Variants in ADAMTS17 observed in about 807,000 individuals in gnomAD.
ADAMTS17 encodes ADAM metallopeptidase with thrombospondin type 1 motif 17.
ADAMTS17 carries 113 observed loss-of-function variants against 141.5 expected under a neutral mutation model. The ratio of observed to expected loss-of-function variants is 0.80; its 90% confidence interval spans 0.69 to 0.93. ADAMTS17 has a LOEUF of 0.93. Among genes scored for constraint, ADAMTS17 ranks in the 40% least tolerant of loss-of-function variants. The pLI is 0.00. For synonymous variants in ADAMTS17, 768 were observed against 630.6 expected (o/e 1.22, Z -3.27); for missense variants, 1,659 against 1,517.9 (o/e 1.09, Z -1.54).
chr15:100,190,276 A>C (rs1489772958), intron 8 of ADAMTS17, among the ~76,000 whole-genome samples: 1 of 152,240 alleles, frequency 6.6e-6, no homozygotes, highest in Non-Finnish European at 1.5e-5. Context: ...AACAAAGTGC[A>C]TGATTCCGTG....
intron 14 of ADAMTS17, among the ~76,000 whole-genome samples, chr15:100,105,083 G>T (rs1051592398): frequency 1.3e-5 from 2 of 152,220 alleles, no homozygotes; most frequent in Non-Finnish European, 2.9e-5. Flanking sequence ...CAGAAAGCAA[G>T]TTGTTTCTCA....
chr15:100,085,396 G>A (rs1039453320), intron 15 of ADAMTS17, among the ~76,000 whole-genome samples: 9 of 135,882 alleles, frequency 6.6e-5, no homozygotes, highest in South Asian at 6.5e-4. Flanking sequence ...CGAGGAGAAC[G>A]CAACCAAGTT....
chr15:100,108,842 C>T (rs929637261), intron 14 of ADAMTS17, 147 bp downstream of exon 14: 13 of 1,363,516 alleles, frequency 9.5e-6, no homozygotes, highest in Middle Eastern at 2.6e-4. Flanking sequence ...GCAACACTGG[C>T]GGCAGGAGGC....
At chr15:100,206,639 G>A (rs1181186598) in intron 7 of ADAMTS17, among the ~76,000 whole-genome samples, 2 of 152,204 alleles carry the variant, frequency 1.3e-5, no homozygotes, top group Non-Finnish European at 2.9e-5. Context: ...GGTTTTAGGT[G>A]GGGGTGAGGC....
intron 13 of ADAMTS17, among the ~76,000 whole-genome samples, chr15:100,115,832 T>C (rs1350045790): frequency 6.6e-6 from 1 of 152,176 alleles, no homozygotes; most frequent in African/African-American, 2.4e-5. Context: ...TCCACACCCA[T>C]GAAGTCATGC....
At chr15:100,316,833 C>A (rs2045579753) in intron 3 of ADAMTS17, among the ~76,000 whole-genome samples, 1 of 152,242 alleles carries the variant, frequency 6.6e-6, no homozygotes, top group Non-Finnish European at 1.5e-5. Flanking sequence ...GAGAAACAGG[C>A]TGACTTGTCC....
At chr15:100,150,241 G>A (rs1318861221) in intron 10 of ADAMTS17, among the ~76,000 whole-genome samples, 1 of 152,152 alleles carries the variant, frequency 6.6e-6, no homozygotes, top group Non-Finnish European at 1.5e-5. Flanking sequence ...ATCATTGCTT[G>A]TTGCCCTCTA....
At chr15:100,239,355 A>T (rs1487065105) in intron 7 of ADAMTS17, among the ~76,000 whole-genome samples, 1 of 152,226 alleles carries the variant, frequency 6.6e-6, no homozygotes, top group Non-Finnish European at 1.5e-5. Flanking sequence ...CGGGATGAGG[A>T]GCGGCGCTGG....
At chr15:100,204,343 C>G (rs569265677) in intron 7 of ADAMTS17, among the ~76,000 whole-genome samples, 2 of 152,338 alleles carry the variant, frequency 1.3e-5, no homozygotes, top group Admixed American at 6.5e-5. Flanking sequence ...ACCAACTGCT[C>G]AACTACCAAA....
intron 15 of ADAMTS17, among the ~76,000 whole-genome samples, chr15:100,088,173 C>T (rs1325238956): frequency 1.3e-5 from 2 of 152,180 alleles, no homozygotes; most frequent in South Asian, 2.1e-4. Flanking sequence ...ACAAAAATCA[C>T]AAGCATTCTT....
chr15:100,150,320 T>C (rs1293479268), intron 10 of ADAMTS17, among the ~76,000 whole-genome samples: 3 of 152,160 alleles, frequency 2.0e-5, no homozygotes, highest in Non-Finnish European at 4.4e-5. Flanking sequence ...CCTCCTCTCT[T>C]TGGGGTCTAT....
intron 7 of ADAMTS17, among the ~76,000 whole-genome samples, chr15:100,242,189 G>C (rs760339252): frequency 6.6e-6 from 1 of 152,178 alleles, no homozygotes; most frequent in Non-Finnish European, 1.5e-5. Context: ...TCCTGCCCTT[G>C]TGGTTAATTC....
chr15:100,048,824 G>T, intron 18 of ADAMTS17, 33 bp downstream of exon 18: 1 of 1,614,032 alleles, frequency 6.2e-7, no homozygotes, highest in Non-Finnish European at 8.5e-7. Flanking sequence ...CCCAGACTCT[G>T]GTGGGTCCAA....
intron 6 of ADAMTS17, among the ~76,000 whole-genome samples, chr15:100,260,087 C>T (rs1327487467): frequency 9.2e-5 from 14 of 152,062 alleles, no homozygotes; most frequent in South Asian, 2.1e-4. Flanking sequence ...TCAGGTGATC[C>T]GCCCGCCTCA....
At chr15:100,264,913 A>G (rs188883978) in intron 4 of ADAMTS17, among the ~76,000 whole-genome samples, 2 of 152,342 alleles carry the variant, frequency 1.3e-5, no homozygotes, top group East Asian at 3.9e-4. Flanking sequence ...GAACCTAAGA[A>G]TACCGAACCA....
At chr15:100,315,039 G>A (rs1392708693) in intron 3 of ADAMTS17, among the ~76,000 whole-genome samples, 1 of 152,230 alleles carries the variant, frequency 6.6e-6, no homozygotes, top group East Asian at 1.9e-4. Flanking sequence ...AAACCCCGCC[G>A]GCTCTGTTGT....
intron 7 of ADAMTS17, among the ~76,000 whole-genome samples, chr15:100,241,422 G>A (rs1181861821): frequency 6.6e-6 from 1 of 152,184 alleles, no homozygotes; most frequent in Admixed American, 6.5e-5. Flanking sequence ...TCAAGGGCAG[G>A]ATCTTGTAGA....
rs530512936 is a variant in ADAMTS17, at chr15:100,281,195, G to A, written c.789+34C>T. On this transcript the variant is annotated intron_variant, in intron 4 of 21. Coordinates refer to ENST00000268070, the MANE Select transcript of ADAMTS17 (RefSeq NM_139057.4). ...GATCTCTCATCAAGGAGAAAACAGA[G>A]CCCCCCACATCAGGACCCCGGCTCC... 4.4e-6 allele frequency: 7 copies of A among 1,599,608 alleles called. No homozygotes were observed. In the East Asian group the frequency reaches 1.6e-4, roughly 36 times the overall value.
At chr15:100,114,562 C>T (rs2036992502) in intron 13 of ADAMTS17, among the ~76,000 whole-genome samples, 1 of 152,204 alleles carries the variant, frequency 6.6e-6, no homozygotes, top group African/African-American at 2.4e-5. Context: ...TGTCGAGCTA[C>T]CTGTGCAAAG....
Sources: allele counts gnomAD v4.1 joint callset (sites outside exome capture counted in the v4.1 genomes callset), GRCh38; gene constraint gnomAD v4.1.1; transcripts MANE v1.5; gene names NCBI Gene and HGNC (gene_info 2026-07-23, HGNC 2026-07-21).